The following DNAAF4 variants were observed in gnomAD, a reference collection of about 807,000 sequenced individuals.
DNAAF4 encodes the protein dynein axonemal assembly factor 4, also known as dynein assembly factor 4, axonemal.
In DNAAF4, 43 loss-of-function variants were observed where a neutral mutation model predicts 51.8. The observed-to-expected ratio is 0.83, with a 90% confidence interval of 0.65 to 1.07. The LOEUF is 1.07. Ranked by LOEUF, DNAAF4 falls within the 50% of genes least tolerant of loss-of-function variation. The probability of loss-of-function intolerance (pLI) is 0.00; values close to 1 mark genes in which losing one functional copy is unlikely to be tolerated. For synonymous variants in DNAAF4, 194 were observed against 165.6 expected (o/e 1.17, Z -1.32); for missense variants, 581 against 493.0 (o/e 1.18, Z -1.69).
rs57692277 is a variant in DNAAF4 at position 55,452,244 on chromosome 15, T to TAAAAAAAAAAAAAAAAAA, written c.638-1895_638-1878dup. Reference sequence around the variant, plus strand: ...GCCTGGACAACAGAGCATGTCTCACTAAAAAAAAAAAAAAAAAAAAAAAAA... The same window carrying TAAAAAAAAAAAAAAAAAA: ...GCCTGGACAACAGAGCATGTCTCACTAAAAAAAAAAAAAAAAAAAAAAAAAAAAAAAAAAAAAAAAAAA... On this transcript the variant is annotated intron_variant, in intron 5 of 9. Transcript: ENST00000321149. 1.3e-4 allele frequency among the ~76,000 whole-genome samples: 7 copies of TAAAAAAAAAAAAAAAAAA among 53,598 alleles called. 1 individual carries two copies. Among genetic ancestry groups the TAAAAAAAAAAAAAAAAAA allele is most frequent in the African/African-American group, 1.6e-4 (2 of 12,590 alleles). The allele number at this position is 53,598 out of a possible 152,430, so 35.2% of individuals were successfully genotyped here.
chr15:55,493,154 T>G (rs949152363), intron 3 of DNAAF4, among the ~76,000 whole-genome samples: 2 of 152,104 alleles, frequency 1.3e-5, no homozygotes, highest in Non-Finnish European at 2.9e-5. Context: ...TACAGGAAAG[T>G]GAGCCCTCAC....
intron 7 of DNAAF4, among the ~76,000 whole-genome samples, chr15:55,424,848 C>A (rs1163453099): frequency 1.4e-5 from 2 of 148,122 alleles, no homozygotes; most frequent in African/African-American, 5.0e-5. Context: ...GGCGTGAGAC[C>A]CCGTGCCCGG....
intron 6 of DNAAF4, among the ~76,000 whole-genome samples, chr15:55,441,200 C>A (rs549425485): frequency 1.8e-4 from 27 of 151,468 alleles, no homozygotes; most frequent in Non-Finnish European, 3.5e-4. Context: ...GCCTCCTGAA[C>A]AGCTAGGATT....
In DNAAF4 at chr15:55,430,679, T is replaced by C. The variant is rs1358391866; in HGVS notation, c.1254A>G (p.Leu418=). The C allele has an allele frequency of 6.2e-7, 1 of 1,612,154 alleles. No homozygotes were observed. The highest frequency in any genetic ancestry group is 8.5e-7 in the Non-Finnish European group (1 of 1,179,214). Residue 418 remains leucine, a synonymous_variant, in exon 10 of 10, where the codon CTA becomes CTG. Coordinates refer to ENST00000321149, the MANE Select transcript of DNAAF4 (RefSeq NM_130810.4). ...TTACTTCTAATAGTCATTAAGATTT[T>C]AGTTCTGTTCCTTGAATTACATTCC... ...KIRNVIQGTE[L]KS is the part of the protein sequence containing the mutation.
intron 4 of DNAAF4, among the ~76,000 whole-genome samples, chr15:55,477,381 G>A (rs1424936396): frequency 6.6e-6 from 1 of 151,890 alleles, no homozygotes; most frequent in Non-Finnish European, 1.5e-5. Flanking sequence ...GATTTTTTAA[G>A]AAATAATGAT....
intron 6 of DNAAF4, among the ~76,000 whole-genome samples, chr15:55,449,130 C>G (rs1210396473): frequency 6.7e-6 from 1 of 150,292 alleles, no homozygotes; most frequent in Non-Finnish European, 1.5e-5. Context: ...GCTGGGATTA[C>G]AGGTGCCTGC....
chr15:55,481,044 G>A (rs1286723112), intron 4 of DNAAF4, among the ~76,000 whole-genome samples: 2 of 152,112 alleles, frequency 1.3e-5, no homozygotes, highest in African/African-American at 4.8e-5. Context: ...TCTCTCTCCT[G>A]CCACCCTGTT....
At chr15:55,505,780 TG>T (rs574906264) in intron 1 of DNAAF4, among the ~76,000 whole-genome samples, 7 of 138,884 alleles carry the variant, frequency 5.0e-5, no homozygotes, top group Admixed American at 4.4e-4. Flanking sequence ...GTGGGGGGGC[TG>T]GGGGAGGGAT....
downstream of DNAAF4, among the ~76,000 whole-genome samples, chr15:55,428,872 A>G (rs1031486064): frequency 2.0e-5 from 3 of 152,048 alleles, no homozygotes; most frequent in African/African-American, 7.2e-5. Flanking sequence ...CTAAATCTTT[A>G]TATAAGATGC....
chr15:55,474,320 G>GGTAAGGAGTTCAAGATCAGCCTGGCCAAC (rs1455797977), intron 4 of DNAAF4, among the ~76,000 whole-genome samples: 1 of 152,176 alleles, frequency 6.6e-6, no homozygotes, highest in Non-Finnish European at 1.5e-5. Flanking sequence ...CAGATCATGA[G>GGTAAGGAGTTCAAGATCAGCCTGGCCAAC]GTAAGGAGTT....
chr15:55,441,511 C>T (rs1317662655), intron 6 of DNAAF4, among the ~76,000 whole-genome samples: 1 of 151,814 alleles, frequency 6.6e-6, no homozygotes, highest in South Asian at 2.1e-4. Flanking sequence ...TGTGCTGCAC[C>T]CATTAACTCG....
chr15:55,444,503 C>T (rs2057765137), intron 6 of DNAAF4, among the ~76,000 whole-genome samples: 1 of 152,146 alleles, frequency 6.6e-6, no homozygotes, highest in Non-Finnish European at 1.5e-5. Context: ...GTTCTTTTGG[C>T]TTAGGATTGT....
rs542183267 is a variant in DNAAF4 at position 55,430,722 on chromosome 15, A to G, written c.1211T>C (p.Ile404Thr). The change falls in exon 10 of 10, where the codon ATT becomes ACT. Residue 404 changes from isoleucine (I) to threonine (T), a missense_variant. Transcript: ENST00000321149. ...TACATTCCGAATCTTCTCAGCATCA[A>G]TTTGTACAATTTTGTTGGATGGATC... ...KIDPSNKIVQ[I>T]DAEKIRNVIQ... 1 of 1,613,436 alleles carries G rather than the reference A, an allele frequency of 6.2e-7. No homozygotes were observed.
At chr15:55,500,389 T>C (rs1025285653) in intron 1 of DNAAF4, among the ~76,000 whole-genome samples, 41 of 152,306 alleles carry the variant, frequency 2.7e-4, no homozygotes, top group African/African-American at 8.9e-4. Context: ...TTTGTCATTT[T>C]CCCCCTTTTG....
intron 4 of DNAAF4, among the ~76,000 whole-genome samples, chr15:55,479,886 T>C (rs1282604479): frequency 6.6e-6 from 1 of 152,140 alleles, no homozygotes; most frequent in Non-Finnish European, 1.5e-5. Flanking sequence ...AGTTCTCTAC[T>C]CTTGAATCCT....
chr15:55,493,959 C>T (rs1321810996), intron 3 of DNAAF4, among the ~76,000 whole-genome samples: 1 of 151,696 alleles, frequency 6.6e-6, no homozygotes, highest in Non-Finnish European at 1.5e-5. Context: ...CCACCTTGGC[C>T]TCCTAAAGTG....
intron 5 of DNAAF4, among the ~76,000 whole-genome samples, chr15:55,464,253 G>A (rs2058136704): frequency 6.6e-6 from 1 of 152,144 alleles, no homozygotes; most frequent in South Asian, 2.1e-4. Flanking sequence ...CAAACCACAT[G>A]TAGGGGTATG....
intron 8 of DNAAF4, among the ~76,000 whole-genome samples, chr15:55,433,895 T>TG (rs2057548173): frequency 2.2e-5 from 1 of 45,740 alleles, no homozygotes; most frequent in Non-Finnish European, 3.8e-5. Flanking sequence ...TATATATATA[T>TG]TATATATATT....
chr15:55,471,321 T>C (rs1329937896), intron 4 of DNAAF4, among the ~76,000 whole-genome samples: 1 of 151,974 alleles, frequency 6.6e-6, no homozygotes, highest in Non-Finnish European at 1.5e-5. Flanking sequence ...TCCTATTACA[T>C]AGGAAATTCC....
Sources: allele counts gnomAD v4.1 joint callset (sites outside exome capture counted in the v4.1 genomes callset), GRCh38; gene constraint gnomAD v4.1.1; transcripts MANE v1.5; gene names NCBI Gene and HGNC (gene_info 2026-07-23, HGNC 2026-07-21).